The following CSMD3 variants were observed in gnomAD, a reference collection of about 807,000 sequenced individuals.
The protein encoded by CSMD3 is CUB and sushi domain-containing protein 3.
CSMD3 carries 177 observed loss-of-function variants against 435.2 expected under a neutral mutation model. The ratio of observed to expected loss-of-function variants is 0.41; its 90% CI spans 0.36 to 0.46. The LOEUF is 0.46. Ranked by LOEUF, CSMD3 falls within the 20% of genes least tolerant of loss-of-function variation. The pLI, the probability that CSMD3 is intolerant of heterozygous loss-of-function variation, is 0.34. For missense variants in CSMD3, 4,265 were observed against 4,504.6 expected (o/e 0.95, Z 1.52); for synonymous variants, 1,656 against 1,520.5 (o/e 1.09, Z -2.07).
At chr8:112,637,092 G>T in intron 21 of CSMD3, 87 bp from the exon 22 acceptor site, 1 of 1,062,894 alleles carries the variant, frequency 9.4e-7, no homozygotes, top group Non-Finnish European at 1.4e-6. Flanking sequence ...TATTCCTATT[G>T]TTTTTAGAAC....
chr8:112,429,868 A>G (rs931990225), intron 32 of CSMD3, among the ~76,000 whole-genome samples: 8 of 152,148 alleles, frequency 5.3e-5, no homozygotes, highest in African/African-American at 1.7e-4. Flanking sequence ...CTTAAAGTTT[A>G]AAAATTATCA....
intron 13 of CSMD3, among the ~76,000 whole-genome samples, chr8:112,697,463 T>C (rs2076283971): frequency 6.6e-6 from 1 of 152,070 alleles, no homozygotes. Flanking sequence ...GATGTTTGCA[T>C]CATTCTCAGC....
intron 45 of CSMD3, among the ~76,000 whole-genome samples, chr8:112,333,159 T>TACTG (rs1554644818): frequency 5.3e-5 from 8 of 152,094 alleles, no homozygotes. Flanking sequence ...GTTTTATTTT[T>TACTG]ATTGATTGAT....
In CSMD3 at chr8:113,151,784, A is replaced by G. The variant is rs2091812344; in HGVS notation, c.709+21938T>C. On this transcript the variant is annotated intron_variant, in intron 4 of 70. Coordinates refer to ENST00000297405, the MANE Select transcript of CSMD3 (RefSeq NM_198123.2). ...AAAATTGCAGTTTATTTCTGACATT[A>G]TCTTATGATATGATTTTGAGAAAAA... is the stretch of plus-strand genomic sequence containing the variant. Among the ~76,000 whole-genome samples the G allele has an allele frequency of 2.0e-5, 3 of 152,030 alleles. No individual in the cohort carries two copies. In the South Asian group the frequency reaches 6.2e-4, roughly 31 times the overall value.
At chr8:112,238,413 C>A (rs1389494040) in intron 66 of CSMD3, among the ~76,000 whole-genome samples, 1 of 152,034 alleles carries the variant, frequency 6.6e-6, no homozygotes, top group Non-Finnish European at 1.5e-5. Context: ...AGCAAAACCA[C>A]TGTGGCAGAT....
At chr8:113,337,854 C>T (rs1397435853) in intron 1 of CSMD3, among the ~76,000 whole-genome samples, 1 of 145,948 alleles carries the variant, frequency 6.9e-6, no homozygotes, top group Non-Finnish European at 1.5e-5. Flanking sequence ...GTTTTTACCA[C>T]AAAAAAAAAA....
chr8:113,282,671 C>A (rs188792611), intron 2 of CSMD3, among the ~76,000 whole-genome samples: 1 of 151,970 alleles, frequency 6.6e-6, no homozygotes, highest in East Asian at 1.9e-4. Context: ...AAGCAATCTA[C>A]AAATTTAATG....
intron 28 of CSMD3, 79 bp from the exon 29 acceptor site, chr8:112,506,908 C>T (rs1331309198): frequency 6.2e-6 from 8 of 1,292,656 alleles, no homozygotes; most frequent in Non-Finnish European, 8.8e-6. Context: ...GAAATCACGT[C>T]TCTAAAAGAG....
At chr8:112,340,059 A>G (rs562955370) in intron 42 of CSMD3, among the ~76,000 whole-genome samples, 56 of 152,322 alleles carry the variant, frequency 3.7e-4, no homozygotes, top group Admixed American at 2.6e-3. Context: ...ACATCATTCA[A>G]ATAAGAACAT....
rs143016923 is a variant in CSMD3 at position 112,804,121 on chromosome 8, A to T, written c.1860-3847T>A. Among the ~76,000 whole-genome samples, 103 of 152,324 alleles carry T rather than the reference A, an allele frequency of 6.8e-4. 1 individual carries two copies. The highest frequency in any genetic ancestry group is 2.4e-3 in the African/African-American group (98 of 41,586). On this transcript the variant is annotated intron_variant, in intron 12 of 70. Transcript: ENST00000297405. Reference sequence around the variant, plus strand: ...TATCCGAAAGACAAGGGAGTCTGCCATTGATTTCCATTAGCAGTTTGTTGA... The same window carrying T: ...TATCCGAAAGACAAGGGAGTCTGCCTTTGATTTCCATTAGCAGTTTGTTGA...
intron 35 of CSMD3, among the ~76,000 whole-genome samples, chr8:112,405,246 T>TATATATACAC (rs1199452249): frequency 2.5e-5 from 2 of 81,542 alleles, no homozygotes; most frequent in African/African-American, 1.1e-4. Context: ...TATATATATA[T>TATATATACAC]ACATATATAT....
chr8:112,274,712 A>C (rs1169658866), intron 59 of CSMD3, among the ~76,000 whole-genome samples: 1 of 152,192 alleles, frequency 6.6e-6, no homozygotes, highest in Admixed American at 6.5e-5. Context: ...ATGCACACAA[A>C]GAAAAGCTGA....
At chr8:113,072,177 G>A (rs1301295611) in intron 5 of CSMD3, among the ~76,000 whole-genome samples, 1 of 151,576 alleles carries the variant, frequency 6.6e-6, no homozygotes, top group African/African-American at 2.4e-5. Flanking sequence ...TACTGAATTT[G>A]TTTTTTCATT....
At chr8:112,626,668 C>G (rs1834502034) in intron 22 of CSMD3, among the ~76,000 whole-genome samples, 1 of 151,964 alleles carries the variant, frequency 6.6e-6, no homozygotes, top group Admixed American at 6.6e-5. Flanking sequence ...TAAATCCTAC[C>G]CTCTCCTGAG....
rs2086585849 is a variant in CSMD3 at position 113,019,097 on chromosome 8, G to C, written c.1000C>G (p.Arg334Gly). 1 of 1,612,516 alleles carries C rather than the reference G, an allele frequency of 6.2e-7. No homozygotes were observed. The highest frequency in any genetic ancestry group is 8.5e-7 in the Non-Finnish European group (1 of 1,178,600). Residue 334 changes from arginine (R) to glycine (G), a missense_variant, in exon 6 of 71, where the codon CGA becomes GGA. Coordinates refer to ENST00000297405, the MANE Select transcript of CSMD3 (RefSeq NM_198123.2). ...TAGGGAGCACTAAATCCACGGTATC[G>C]ATGATTGCTGTCTGTAACAAAATGC... is the stretch of plus-strand genomic sequence containing the variant. Reference protein sequence around the residue: ...RLHFVTDSNHRYRGFSAPYQG... With the variant: ...RLHFVTDSNHGYRGFSAPYQG...
At chr8:112,464,587 C>T (rs528656622) in intron 32 of CSMD3, among the ~76,000 whole-genome samples, 1 of 152,174 alleles carries the variant, frequency 6.6e-6, no homozygotes, top group East Asian at 1.9e-4. Context: ...AAACTACATA[C>T]AGGTTGAAGA....
At chr8:113,315,804 T>G (rs2093905475) in intron 1 of CSMD3, among the ~76,000 whole-genome samples, 1 of 151,566 alleles carries the variant, frequency 6.6e-6, no homozygotes. Flanking sequence ...CTGCAACCTC[T>G]GCCTCCTGGG....
rs200119134 is a variant in CSMD3 at position 112,666,390 on chromosome 8, A to T, written c.2703T>A (p.Ala901=). The T allele has an allele frequency of 6.2e-7, 1 of 1,612,522 alleles. No individual in the cohort carries two copies. Among genetic ancestry groups the T allele is most frequent in the African/African-American group, 1.3e-5 (1 of 74,864 alleles). Residue 901 remains alanine (A), a synonymous_variant, in exon 17 of 71, where the codon GCT becomes GCA. Coordinates refer to ENST00000297405, the MANE Select transcript of CSMD3 (RefSeq NM_198123.2). The part of the protein sequence containing the change: ...CGAPCGGHFS[A]PSGVILSPGW... ...CTGGTGAGAGAATCACTCCACTGGG[A>T]GCTGAAAAATGGCCACCACATGGGG... is the stretch of plus-strand genomic sequence containing the variant.
At chr8:112,570,348 A>G (rs1375689831) in intron 24 of CSMD3, among the ~76,000 whole-genome samples, 2 of 152,238 alleles carry the variant, frequency 1.3e-5, no homozygotes, top group African/African-American at 2.4e-5. Flanking sequence ...GTTCGCAAAC[A>G]AGTATAACCA....
Sources: allele counts gnomAD v4.1 joint callset (sites outside exome capture counted in the v4.1 genomes callset), GRCh38; gene constraint gnomAD v4.1.1; transcripts MANE v1.5; gene names NCBI Gene and HGNC (gene_info 2026-07-23, HGNC 2026-07-21).